Variants in TRPV3 observed in about 807,000 individuals in gnomAD.
The protein encoded by TRPV3 is transient receptor potential cation channel subfamily V member 3.
A neutral mutation model predicts 87.1 loss-of-function variants in TRPV3; 88 were observed. The ratio of observed to expected loss-of-function variants is 1.01; its 90% CI spans 0.85 to 1.21. The LOEUF is 1.21. TRPV3 is among the 50% of genes most tolerant of loss of function. TRPV3 has a pLI of 0.00. For synonymous variants in TRPV3, 438 were observed against 423.3 expected (o/e 1.03, Z -0.43); for missense variants, 1,054 against 1,030.1 (o/e 1.02, Z -0.32).
At chr17:3,533,986 T>TC (rs1263932131) in intron 7 of TRPV3, among the ~76,000 whole-genome samples, 1 of 152,262 alleles carries the variant, frequency 6.6e-6, no homozygotes, top group East Asian at 1.9e-4. Flanking sequence ...AAGTGCTCAA[T>TC]AAATGCTTGT....
chr17:3,529,416 G>A (rs934793017), intron 9 of TRPV3, among the ~76,000 whole-genome samples: 6 of 152,158 alleles, frequency 3.9e-5, no homozygotes, highest in African/African-American at 1.2e-4. Flanking sequence ...TGAGGGTCTG[G>A]GAAGACCCAA....
rs2074158421 is a variant in TRPV3 at position 3,514,650 on chromosome 17, C to T, written c.2221G>A (p.Glu741Lys). 3 of 1,613,952 alleles carry T rather than the reference C, an allele frequency of 1.9e-6. No homozygotes were observed. The highest frequency in any genetic ancestry group is 2.5e-6 in the Non-Finnish European group (3 of 1,179,828). The change falls in exon 17 of 18, where the codon GAA becomes AAA. Residue 741 changes from glutamate to lysine, a missense_variant. Transcript: ENST00000576742. ...CLRINEVKWTEWKTHVSFLNE... is the reference protein window; with the variant it reads ...CLRINEVKWTKWKTHVSFLNE... Reference sequence around the variant, plus strand: ...AGGAAGGAGACGTGCGTCTTCCATTCAGTCCACTTCACCTCATTGATCCTG... The same window carrying T: ...AGGAAGGAGACGTGCGTCTTCCATTTAGTCCACTTCACCTCATTGATCCTG...
At chr17:3,551,868 TTC>T (rs2074578019) in intron 2 of TRPV3, among the ~76,000 whole-genome samples, 1 of 139,310 alleles carries the variant, frequency 7.2e-6, no homozygotes, top group Non-Finnish European at 1.5e-5. Context: ...CTGTAATTTA[TTC>T]TTTTTTTTTT....
rs2074126132 is a variant in TRPV3, at chr17:3,512,441, A to G, written c.*1476T>C. On this transcript the variant is annotated 3_prime_UTR_variant, in exon 18 of 18. Transcript: ENST00000576742. ...GGGCAGAGAAACTGGCCCAGAGTGC[A>G]CTGCTAGGCCCCGACTCTTCAGTTT... The G allele has an allele frequency of 6.6e-6, 1 of 152,340 alleles. No individual in the cohort carries two copies. Among genetic ancestry groups the G allele is most frequent in the East Asian group, 1.9e-4 (1 of 5,186 alleles). 9.4% of individuals were successfully genotyped at this position (152,340 alleles called of 1,614,324 possible).
rs11657715 is a variant in TRPV3 at position 3,526,977 on chromosome 17, A to G, written c.1504-50T>C. 0.54 allele frequency: 804,460 copies of G among 1,488,198 alleles called. 220,386 individuals are homozygous for G. Among genetic ancestry groups the G allele is most frequent in the Non-Finnish European group, 0.57 (614,183 of 1,081,844 alleles). The allele number at this position is 1,488,198 out of a possible 1,614,324, so 92.2% of individuals were successfully genotyped here. On this transcript the variant is annotated intron_variant, in intron 11 of 17. Transcript: ENST00000576742. The stretch of plus-strand genomic sequence containing the variant: ...GTGCACCCTCTTCATGGCCCTCAGC[A>G]GGGGAGCTGAGCAGAGGGTGCTTCC...
intron 6 of TRPV3, among the ~76,000 whole-genome samples, chr17:3,540,318 C>T (rs973832544): frequency 1.3e-5 from 2 of 151,962 alleles, no homozygotes; most frequent in East Asian, 1.9e-4. Context: ...AAGGCACCAG[C>T]GGATGGGTCA....
chr17:3,532,562 T>A, intron 8 of TRPV3, 95 bp downstream of exon 8: 1 of 1,451,034 alleles, frequency 6.9e-7, no homozygotes, highest in Non-Finnish European at 9.3e-7. Context: ...AGGCTGTGGT[T>A]TGTGAATCCC....
At chr17:3,533,230 C>T (rs2074366898) in intron 7 of TRPV3, among the ~76,000 whole-genome samples, 1 of 152,204 alleles carries the variant, frequency 6.6e-6, no homozygotes, top group African/African-American at 2.4e-5. Flanking sequence ...TGACAGCCCA[C>T]AAAGCCCTGC....
chr17:3,523,015 C>G (rs1249478680), intron 13 of TRPV3, among the ~76,000 whole-genome samples: 2 of 151,982 alleles, frequency 1.3e-5, no homozygotes, highest in Non-Finnish European at 2.9e-5. Flanking sequence ...ACATCTCCCC[C>G]AAGAATAAGG....
intron 15 of TRPV3, 130 bp from the exon 16 acceptor site, chr17:3,516,699 A>G: frequency 1.5e-6 from 1 of 687,852 alleles, no homozygotes; most frequent in South Asian, 1.7e-5. Context: ...GGTTTGGCTA[A>G]TCTACAGAAT....
chr17:3,550,775 C>T (rs2074566853), intron 2 of TRPV3, among the ~76,000 whole-genome samples: 1 of 151,946 alleles, frequency 6.6e-6, no homozygotes, highest in Non-Finnish European at 1.5e-5. Context: ...CCACCCTCCT[C>T]GGCCTCCCAA....
chr17:3,525,844 A>C (rs1479638997), intron 12 of TRPV3, among the ~76,000 whole-genome samples: 1 of 151,986 alleles, frequency 6.6e-6, no homozygotes, highest in Non-Finnish European at 1.5e-5. Context: ...CAAACTCCTG[A>C]CCTCAGATGA....
rs113148948 is a variant in TRPV3, at chr17:3,543,823, G to C, written c.312-195C>G. Among the ~76,000 whole-genome samples, 313 of 152,222 alleles carry C rather than the reference G, an allele frequency of 2.1e-3. 2 individuals are homozygous for C. Among genetic ancestry groups the C allele is most frequent in the African/African-American group, 7.0e-3 (289 of 41,546 alleles). ...TGTAATCCATATGCAATCACATTTT[G>C]TCAAAATACCTACATTTGGATGCAT... On this transcript the variant is annotated intron_variant, in intron 4 of 17. Coordinates refer to ENST00000576742, the MANE Select transcript of TRPV3 (RefSeq NM_145068.4).
chr17:3,535,519 C>G, intron 7 of TRPV3, 54 bp downstream of exon 7: 1 of 1,505,500 alleles, frequency 6.6e-7, no homozygotes, highest in Non-Finnish European at 8.9e-7. Flanking sequence ...CCTTCCTCTC[C>G]CGTCTCCCTC....
In TRPV3 at chr17:3,543,551, C is replaced by A. The variant is rs773258652; in HGVS notation, c.389G>T (p.Gly130Val). The A allele has an allele frequency of 4.8e-5, 78 of 1,614,028 alleles. No homozygotes were observed. The highest frequency in any genetic ancestry group is 5.8e-5 in the Non-Finnish European group (68 of 1,180,046). The change falls in exon 5 of 18, where the codon GGC becomes GTC. Residue 130 changes from glycine (G) to valine (V), a missense_variant. Coordinates refer to ENST00000576742, the MANE Select transcript of TRPV3 (RefSeq NM_145068.4). ...CAACTCTACCAACTCCTCCACGCAGCCCTCAGACACGGCTGCAAAGATGCG... is the reference window on the plus strand; with the variant it reads ...CAACTCTACCAACTCCTCCACGCAGACCTCAGACACGGCTGCAAAGATGCG... ...KKRIFAAVSE[G>V]CVEELVELLV...
chr17:3,526,594 C>T (rs577332073), intron 12 of TRPV3, among the ~76,000 whole-genome samples: 33 of 152,272 alleles, frequency 2.2e-4, no homozygotes, highest in Non-Finnish European at 4.1e-4. Flanking sequence ...CCATCACCAC[C>T]ATCTCAGCCT....
chr17:3,524,420 G>C, intron 12 of TRPV3, 57 bp from the exon 13 acceptor site: 1 of 1,597,920 alleles, frequency 6.3e-7, no homozygotes, highest in Non-Finnish European at 8.5e-7. Context: ...TCAGGGCAAA[G>C]ATATGCAAAT....
chr17:3,518,229 C>T lies in TRPV3; in HGVS notation c.2085+347G>A, dbSNP rs2074201852. Among the ~76,000 whole-genome samples the T allele has an allele frequency of 6.6e-6, 1 of 152,088 alleles. No individual in the cohort carries two copies. The highest frequency in any genetic ancestry group is 2.4e-5 in the African/African-American group (1 of 41,398). On this transcript the variant is annotated intron_variant, in intron 15 of 17. Coordinates refer to ENST00000576742, the MANE Select transcript of TRPV3 (RefSeq NM_145068.4). The surrounding 1 kb of genome is among the most constrained non-coding windows in gnomAD (Gnocchi z 4.3). ...CTCAGCATGTAAGAAGTGTTCAGGCCAGGATAGAATAGAGCAGAACTGTCA... is the reference window on the plus strand; with the variant it reads ...CTCAGCATGTAAGAAGTGTTCAGGCTAGGATAGAATAGAGCAGAACTGTCA...
chr17:3,527,860 G>C (rs2074313458), intron 11 of TRPV3, 165 bp downstream of exon 11: 2 of 623,408 alleles, frequency 3.2e-6, no homozygotes, highest in Non-Finnish European at 5.7e-6. Context: ...GGTAGGATAG[G>C]CCAGCCTTAT....
Sources: gnomAD v4.1 joint callset for allele counts (sites outside exome capture counted in the v4.1 genomes callset) on GRCh38, gnomAD v4.1.1 for gene constraint, Gnocchi (gnomAD v3.1) non-coding constraint, MANE v1.5 for transcripts, NCBI Gene and HGNC (gene_info 2026-07-23, HGNC 2026-07-21) for gene names.